AFF3: variants seen among roughly 807,000 people sequenced by gnomAD.
AFF3 encodes the protein AF4/FMR2 family member 3.
Under a neutral mutation model 129.7 loss-of-function variants are expected in AFF3, and 32 were observed. The ratio of observed to expected loss-of-function variants is 0.25; its 90% confidence interval spans 0.19 to 0.33. The LOEUF (loss-of-function observed/expected upper bound fraction) is 0.33. AFF3 is among the 10% of genes least tolerant of loss of function. The pLI is 1.00. For synonymous variants in AFF3, 644 were observed against 635.4 expected (o/e 1.01, Z -0.20); for missense variants, 1,373 against 1,592.0 (o/e 0.86, Z 2.34).
At chr2:99,648,876 A>AAC (rs1183425993) in intron 13 of AFF3, among the ~76,000 whole-genome samples, 1 of 32,772 alleles carries the variant, frequency 3.1e-5, no homozygotes, top group East Asian at 1.7e-3. Context: ...AGTTCCTCAA[A>AAC]ACACGCGCGC....
intron 11 of AFF3, among the ~76,000 whole-genome samples, chr2:99,710,114 T>C (rs1294022695): frequency 1.3e-5 from 2 of 152,250 alleles, no homozygotes; most frequent in African/African-American, 4.8e-5. Flanking sequence ...TCTGAGTTGC[T>C]ATAAAGATTC....
At chr2:100,004,485 C>T (rs1573078338) in intron 7 of AFF3, among the ~76,000 whole-genome samples, 1 of 152,146 alleles carries the variant, frequency 6.6e-6, no homozygotes, top group East Asian at 1.9e-4. Context: ...TGGGATCTCA[C>T]TATGTTGCCC....
intron 8 of AFF3, among the ~76,000 whole-genome samples, chr2:99,798,654 G>T (rs1046551457): frequency 6.6e-6 from 1 of 151,874 alleles, no homozygotes; most frequent in Admixed American, 6.6e-5. Flanking sequence ...AAAGAAAGCT[G>T]AATTGGCTAT....
intron 11 of AFF3, among the ~76,000 whole-genome samples, chr2:99,676,689 A>G (rs1286724249): frequency 2.0e-5 from 3 of 152,246 alleles, no homozygotes; most frequent in Non-Finnish European, 4.4e-5. Flanking sequence ...CTTTGTAATG[A>G]TGCCTTAAAA....
intron 4 of AFF3, among the ~76,000 whole-genome samples, chr2:100,017,081 G>C (rs1683195242): frequency 6.6e-6 from 1 of 152,022 alleles, no homozygotes; most frequent in Admixed American, 6.6e-5. Context: ...GTTGGTGGTG[G>C]TGAAAGTGGT....
At chr2:99,870,722 A>G (rs1183248221) in intron 7 of AFF3, among the ~76,000 whole-genome samples, 1 of 152,230 alleles carries the variant, frequency 6.6e-6, no homozygotes. Context: ...AAGCTGTGGA[A>G]AAAGTGCAGA....
chr2:100,129,938 G>A (rs898984061), intron 1 of AFF3, among the ~76,000 whole-genome samples: 6 of 152,158 alleles, frequency 3.9e-5, no homozygotes, highest in Admixed American at 1.3e-4. Context: ...GCACAGTTGG[G>A]ATTTCAGTCC....
At chr2:100,142,063 G>A (rs529496730) in intron 1 of AFF3, among the ~76,000 whole-genome samples, 2 of 152,232 alleles carry the variant, frequency 1.3e-5, no homozygotes, top group East Asian at 3.9e-4. Flanking sequence ...CCAGTCTGTG[G>A]CCATGTCATG....
At chr2:99,940,960 G>A (rs71413857) in intron 7 of AFF3, among the ~76,000 whole-genome samples, 1,659 of 152,046 alleles carry the variant, frequency 0.011, 12 homozygotes, top group Non-Finnish European at 0.014. Flanking sequence ...GTGGCCACCC[G>A]CTCCCGGCTC....
chr2:99,975,754 CTTTTTTT>C (rs35224838), intron 7 of AFF3, among the ~76,000 whole-genome samples: 1 of 103,892 alleles, frequency 9.6e-6, no homozygotes, highest in Non-Finnish European at 1.9e-5. Context: ...TTTCCCTCCA[CTTTTTTT>C]TTTTTTTTTT....
chr2:99,651,173 C>CAAA lies in AFF3; in HGVS notation c.1144-1510_1144-1508dup, dbSNP rs113457105. ...GGGCAACAACAGCAAAAGTCTGTCTCAAAAAAAAAAAAAAAAAAGGGCTCC... is the reference window on the plus strand; with the variant it reads ...GGGCAACAACAGCAAAAGTCTGTCTCAAAAAAAAAAAAAAAAAAAAAGGGCTCC... On this transcript the variant is annotated intron_variant, in intron 12 of 24. Coordinates refer to ENST00000672756, the MANE Select transcript of AFF3 (RefSeq NM_001386135.1). 1.3e-3 allele frequency among the ~76,000 whole-genome samples: 164 copies of CAAA among 121,984 alleles called. 2 individuals are homozygous for CAAA. The highest frequency in any genetic ancestry group is 2.4e-3 in the East Asian group (10 of 4,132). 80.0% of individuals were successfully genotyped at this position (121,984 alleles called of 152,430 possible). A position where few individuals can be genotyped will look rare whatever the true frequency, so the allele number is the denominator to read the frequency against.
intron 8 of AFF3, among the ~76,000 whole-genome samples, chr2:99,780,077 T>C (rs6755935): frequency 0.13 from 19,949 of 152,202 alleles, 2,800 homozygotes; most frequent in African/African-American, 0.36. Flanking sequence ...TTCTATGGGT[T>C]GTTCTGATCA....
chr2:99,554,817 G>T, intron 22 of AFF3, 85 bp from the exon 23 acceptor site: 1 of 1,512,706 alleles, frequency 6.6e-7, no homozygotes, highest in Non-Finnish European at 9.1e-7. Context: ...GGTGACTGCA[G>T]AGAGAAGCAA....
intron 9 of AFF3, among the ~76,000 whole-genome samples, chr2:99,751,004 C>T (rs1368372044): frequency 2.0e-5 from 3 of 152,200 alleles, no homozygotes; most frequent in Admixed American, 2.0e-4. Flanking sequence ...AAAATCAACT[C>T]TTAGAATGGA....
intron 8 of AFF3, among the ~76,000 whole-genome samples, chr2:99,797,922 G>A (rs1685665394): frequency 6.6e-6 from 1 of 152,042 alleles, no homozygotes; most frequent in African/African-American, 2.4e-5. Flanking sequence ...AAGCCCTTGA[G>A]GCAGAAGGAA....
At chr2:99,620,649 CA>C (rs1196146911) in intron 13 of AFF3, among the ~76,000 whole-genome samples, 1 of 152,134 alleles carries the variant, frequency 6.6e-6, no homozygotes, top group Non-Finnish European at 1.5e-5. Context: ...CAAAAATCCC[CA>C]AAGACCCTCT....
At chr2:100,077,941 T>C (rs1688714834) in intron 4 of AFF3, among the ~76,000 whole-genome samples, 1 of 152,252 alleles carries the variant, frequency 6.6e-6, no homozygotes, top group Non-Finnish European at 1.5e-5. Context: ...TGAATTTTGC[T>C]GGCTTTCTAA....
At chr2:99,565,334 A>T (rs1021098219) in intron 20 of AFF3, among the ~76,000 whole-genome samples, 153 bp downstream of exon 20, 4 of 152,212 alleles carry the variant, frequency 2.6e-5, no homozygotes, top group Admixed American at 2.6e-4. Context: ...GTGTGCCAAG[A>T]CGCCTTGCAC....
chr2:99,762,832 G>A (rs191605578), intron 8 of AFF3, among the ~76,000 whole-genome samples: 5 of 152,338 alleles, frequency 3.3e-5, no homozygotes, highest in African/African-American at 7.2e-5. Flanking sequence ...AGATGCTCAC[G>A]TTGATGTTTA....
Sources: allele counts gnomAD v4.1 joint callset (sites outside exome capture counted in the v4.1 genomes callset), GRCh38; gene constraint gnomAD v4.1.1; transcripts MANE v1.5; gene names NCBI Gene and HGNC (gene_info 2026-07-23, HGNC 2026-07-21).